The following ENTPD1 variants were observed in gnomAD, a reference collection of about 807,000 sequenced individuals.
The protein encoded by ENTPD1 is ATP diphosphohydrolase.
In ENTPD1, 33 loss-of-function variants were observed where a neutral mutation model predicts 57.0. The observed-to-expected ratio is 0.58, with a 90% confidence interval of 0.44 to 0.77. The LOEUF (loss-of-function observed/expected upper bound fraction) is 0.77, where lower values mean the gene tolerates loss of function less well. ENTPD1 is among the 30% of genes least tolerant of loss of function. ENTPD1 has a pLI of 0.00. For synonymous variants in ENTPD1, 202 were observed against 218.8 expected, an observed-to-expected ratio of 0.92 and a Z score of 0.68; for missense variants, 501 against 603.4, an observed-to-expected ratio of 0.83 and a Z score of 1.78.
intron 1 of ENTPD1, among the ~76,000 whole-genome samples, chr10:95,760,164 T>C (rs1027251392): frequency 6.6e-6 from 1 of 152,096 alleles, no homozygotes; most frequent in Non-Finnish European, 1.5e-5. Flanking sequence ...AGACTTTGTC[T>C]CTAACAAAAT....
chr10:95,822,499 A>G (rs1416899108), intron 1 of ENTPD1, among the ~76,000 whole-genome samples: 1 of 148,520 alleles, frequency 6.7e-6, no homozygotes, highest in African/African-American at 2.5e-5. Context: ...GTTTCACCAT[A>G]TTGACCTGGC....
At chr10:95,752,290 A>G (rs2139905784), upstream of ENTPD1, among the ~76,000 whole-genome samples, 1 of 152,298 alleles carries the variant, frequency 6.6e-6, no homozygotes, top group African/African-American at 2.4e-5. Context: ...CATGGTCTCA[A>G]GTAGCTTGTT....
chr10:95,790,360 T>C (rs1001297447), intron 1 of ENTPD1, among the ~76,000 whole-genome samples: 1 of 152,192 alleles, frequency 6.6e-6, no homozygotes, highest in Non-Finnish European at 1.5e-5. Flanking sequence ...ACTATGTGTG[T>C]TATTGGTCAA....
Position 95,794,400 on chromosome 10 carries a change from G to C in ENTPD1, c.17-28837G>C, listed in dbSNP as rs184098887. Among the ~76,000 whole-genome samples the C allele has an allele frequency of 7.0e-4, 106 of 152,278 alleles. 1 individual carries two copies. Among genetic ancestry groups the C allele is most frequent in the African/African-American group, 2.5e-3 (103 of 41,544 alleles). ...GCTCAGCACGGGGGATGAAGTCATG[G>C]ATAAGCAGCAGACATGGTCCTTGCC... On this transcript the variant is annotated intron_variant, in intron 1 of 9. Coordinates refer to ENST00000371205, the MANE Select transcript of ENTPD1 (RefSeq NM_001776.6).
chr10:95,871,134 A>G lies in ENTPD1; in HGVS notation c.*4751A>G, dbSNP rs2098479972. ...TGAGCAAGCTCAATAAAATATAAAC[A>G]AGTCAGATAAACAGTGGGAGGAATG... On this transcript the variant is annotated 3_prime_UTR_variant, in exon 10 of 10. Coordinates refer to ENST00000371205, the MANE Select transcript of ENTPD1 (RefSeq NM_001776.6). 2.0e-6 allele frequency: 2 copies of G among 985,362 alleles called. No homozygotes were observed. Among genetic ancestry groups the G allele is most frequent in the East Asian group, 1.1e-4 (1 of 8,836 alleles). The allele number at this position is 985,362 out of a possible 1,614,324, so 61.0% of individuals were successfully genotyped here.
At chr10:95,748,613 C>T (rs1376699217) in intron 1 of ENTPD1, among the ~76,000 whole-genome samples, 2 of 152,144 alleles carry the variant, frequency 1.3e-5, no homozygotes, top group Non-Finnish European at 2.9e-5. Flanking sequence ...AAATTATAGC[C>T]ACAATACTAC....
intron 1 of ENTPD1, among the ~76,000 whole-genome samples, chr10:95,794,384 G>A (rs1220241002): frequency 6.6e-6 from 1 of 152,130 alleles, no homozygotes; most frequent in Admixed American, 6.5e-5. Flanking sequence ...TGCTCAGCAC[G>A]GGGGATGAAG....
chr10:95,757,447 T>G (rs2098032294), intron 1 of ENTPD1, among the ~76,000 whole-genome samples: 1 of 152,106 alleles, frequency 6.6e-6, no homozygotes, highest in Non-Finnish European at 1.5e-5. Context: ...CCAATACTGT[T>G]TCTCTGCTTT....
Position 95,866,772 on chromosome 10 carries a change from C to A in ENTPD1, c.*389C>A. Reference sequence around the variant, plus strand: ...CTGGCTGAAAGAAGAATCTCAGGAACTGGTTCAGTTGTACTCTTTAAGAAC... The same window carrying A: ...CTGGCTGAAAGAAGAATCTCAGGAAATGGTTCAGTTGTACTCTTTAAGAAC... On this transcript the variant is annotated 3_prime_UTR_variant, in exon 10 of 10. Transcript: ENST00000371205. The A allele has an allele frequency of 8.8e-7, 1 of 1,130,298 alleles. No individual in the cohort carries two copies. The highest frequency in any genetic ancestry group is 1.1e-6 in the Non-Finnish European group (1 of 914,942). 70.0% of individuals were successfully genotyped at this position (1,130,298 alleles called of 1,614,324 possible). A position where few individuals can be genotyped will look rare whatever the true frequency, so the allele number is the denominator to read the frequency against.
intron 1 of ENTPD1, among the ~76,000 whole-genome samples, chr10:95,737,425 C>G (rs1490098515): frequency 2.6e-5 from 4 of 151,814 alleles, no homozygotes; most frequent in Non-Finnish European, 4.4e-5. Context: ...TGCTCTGTCC[C>G]CCAAGCTGGA....
At chr10:95,729,081 T>G (rs1415988190) in intron 1 of ENTPD1, among the ~76,000 whole-genome samples, 1 of 152,030 alleles carries the variant, frequency 6.6e-6, no homozygotes, top group Non-Finnish European at 1.5e-5. Flanking sequence ...GTTGCAAATT[T>G]CTAAAAATTT....
intron 1 of ENTPD1, among the ~76,000 whole-genome samples, chr10:95,765,422 C>G (rs2098084899): frequency 6.6e-6 from 1 of 152,106 alleles, no homozygotes; most frequent in African/African-American, 2.4e-5. Flanking sequence ...CTAGTTGTTC[C>G]AGCACCATTT....
chr10:95,841,006 ATC>A (rs2098421276), intron 3 of ENTPD1, among the ~76,000 whole-genome samples: 1 of 152,204 alleles, frequency 6.6e-6, no homozygotes, highest in African/African-American at 2.4e-5. Context: ...CTTTGGCCCC[ATC>A]TGAGACAGTA....
intron 4 of ENTPD1, among the ~76,000 whole-genome samples, chr10:95,843,769 C>T (rs781123046): frequency 2.6e-5 from 4 of 152,120 alleles, no homozygotes; most frequent in Non-Finnish European, 5.9e-5. Context: ...TAGGTGTGGA[C>T]GCCATTTAGA....
At chr10:95,807,139 G>T (rs969399742) in intron 1 of ENTPD1, among the ~76,000 whole-genome samples, 6 of 152,108 alleles carry the variant, frequency 3.9e-5, no homozygotes, top group Non-Finnish European at 8.8e-5. Flanking sequence ...AGGTAGTAGG[G>T]CTTGCTGAGC....
chr10:95,765,947 TA>T (rs985917934), intron 1 of ENTPD1, among the ~76,000 whole-genome samples: 1 of 152,138 alleles, frequency 6.6e-6, no homozygotes, highest in African/African-American at 2.4e-5. Context: ...TTGATGCTAT[TA>T]TAAATATAAT....
intron 1 of ENTPD1, among the ~76,000 whole-genome samples, chr10:95,818,301 G>A (rs1262604749): frequency 1.3e-5 from 2 of 152,174 alleles, no homozygotes; most frequent in African/African-American, 2.4e-5. Flanking sequence ...TAGTCATAAT[G>A]TCAGGAATTC....
intron 1 of ENTPD1, among the ~76,000 whole-genome samples, chr10:95,802,947 T>A (rs2098256400): frequency 1.3e-5 from 2 of 152,240 alleles, no homozygotes; most frequent in African/African-American, 4.8e-5. Flanking sequence ...GCATGCTTTA[T>A]AATCCTTTGG....
the ENTPD1 span, among the ~76,000 whole-genome samples, chr10:95,704,891 T>C: frequency 2.0e-5 from 3 of 151,386 alleles, no homozygotes; most frequent in Non-Finnish European, 2.9e-5. Context: ...TATGTAAATA[T>C]ACACATACAC....
Sources: allele counts gnomAD v4.1 joint callset (sites outside exome capture counted in the v4.1 genomes callset), GRCh38; gene constraint gnomAD v4.1.1; transcripts MANE v1.5; gene names NCBI Gene and HGNC (gene_info 2026-07-23, HGNC 2026-07-21).